FAT3: variants seen among roughly 807,000 people sequenced by gnomAD.
The protein encoded by FAT3 is FAT atypical cadherin 3.
A neutral mutation model predicts 310.2 loss-of-function variants in FAT3; 95 were observed. That is an observed-to-expected ratio of 0.31 (90% CI 0.26 to 0.36). The LOEUF (loss-of-function observed/expected upper bound fraction) is 0.36. Among genes scored for constraint, FAT3 ranks in the 10% least tolerant of loss-of-function variants. The probability of loss-of-function intolerance (pLI) is 1.00; values close to 1 mark genes in which losing one functional copy is unlikely to be tolerated. For missense variants in FAT3, 5,408 were observed against 5,715.6 expected, an observed-to-expected ratio of 0.95 and a Z score of 1.74; for synonymous variants, 2,314 against 2,192.9, an observed-to-expected ratio of 1.06 and a Z score of -1.54.
chr11:92,766,718 T>C (rs1411835249), intron 6 of FAT3: 1 of 152,268 alleles, frequency 6.6e-6, no homozygotes, highest in African/African-American at 2.4e-5. Context: ...ATGAAACTTC[T>C]TCTGATCCAT....
intron 2 of FAT3, among the ~76,000 whole-genome samples, chr11:92,370,161 T>C (rs898935920): frequency 2.0e-5 from 3 of 152,210 alleles, no homozygotes; most frequent in Non-Finnish European, 4.4e-5. Flanking sequence ...ATGCACATTA[T>C]TGTTGTAATT....
chr11:92,869,227 C>T (rs1322379688), intron 22 of FAT3, among the ~76,000 whole-genome samples: 1 of 152,228 alleles, frequency 6.6e-6, no homozygotes, highest in Non-Finnish European at 1.5e-5. Flanking sequence ...GGCCTACTAC[C>T]TCTGTTCTCT....
chr11:92,694,937 C>A (rs1217696268), intron 3 of FAT3, among the ~76,000 whole-genome samples: 3 of 152,136 alleles, frequency 2.0e-5, no homozygotes, highest in Non-Finnish European at 4.4e-5. Flanking sequence ...AATAGAATGG[C>A]CCAAAAATGA....
intron 4 of FAT3, among the ~76,000 whole-genome samples, chr11:92,751,972 G>A (rs926462105): frequency 1.3e-5 from 2 of 152,026 alleles, no homozygotes; most frequent in African/African-American, 4.8e-5. Flanking sequence ...GACAATCGTA[G>A]GTAAATGATC....
At chr11:92,668,754 C>T (rs1359920404) in intron 3 of FAT3, among the ~76,000 whole-genome samples, 3 of 152,146 alleles carry the variant, frequency 2.0e-5, no homozygotes, top group Middle Eastern at 3.2e-3. Flanking sequence ...TTACACTAGG[C>T]CTCAGCTACT....
At chr11:92,867,254 G>C (rs963824198) in intron 22 of FAT3, 45 bp downstream of exon 22, 1 of 1,486,564 alleles carries the variant, frequency 6.7e-7, no homozygotes, top group Non-Finnish European at 9.0e-7. Flanking sequence ...GGTTTGAGGG[G>C]AGAGTGAATG....
At chr11:92,785,483 A>G (rs748446557) in intron 7 of FAT3, among the ~76,000 whole-genome samples, 9 of 152,162 alleles carry the variant, frequency 5.9e-5, no homozygotes, top group Non-Finnish European at 1.2e-4. Context: ...AAAACTCAAA[A>G]GACTGAAAGG....
At chr11:92,335,865 C>A (rs1261278179) in intron 1 of FAT3, among the ~76,000 whole-genome samples, 1 of 152,092 alleles carries the variant, frequency 6.6e-6, no homozygotes, top group Non-Finnish European at 1.5e-5. Context: ...CAAAATCAAT[C>A]CCAAAATCAA....
At chr11:92,656,006 C>T (rs567957894) in intron 3 of FAT3, among the ~76,000 whole-genome samples, 29 of 152,248 alleles carry the variant, frequency 1.9e-4, no homozygotes, top group African/African-American at 6.7e-4. Context: ...CCACATTTCA[C>T]AGGGAAACAA....
rs537119114 is a variant in FAT3, at chr11:92,471,659, G to A, written c.3293-52975G>A. Among the ~76,000 whole-genome samples the A allele has an allele frequency of 1.9e-3, 283 of 152,138 alleles. 5 individuals are homozygous for A. In the Middle Eastern group the frequency reaches 0.044, roughly 24 times the overall value. ...CCATATGCAAAGGACAGTTGAAAATGCATTTACGCTAATCAGTATCCAAGA... is the reference window on the plus strand; with the variant it reads ...CCATATGCAAAGGACAGTTGAAAATACATTTACGCTAATCAGTATCCAAGA... On this transcript the variant is annotated intron_variant, in intron 2 of 27. Coordinates refer to ENST00000525166, the MANE Select transcript of FAT3 (RefSeq NM_001367949.2).
chr11:92,378,850 G>GT (rs1202491977), intron 2 of FAT3, among the ~76,000 whole-genome samples: 4 of 152,162 alleles, frequency 2.6e-5, no homozygotes, highest in Non-Finnish European at 4.4e-5. Flanking sequence ...TTCTGGTTAT[G>GT]TTTTTACATG....
chr11:92,529,737 G>A (rs1194217265), intron 3 of FAT3, among the ~76,000 whole-genome samples: 1 of 152,142 alleles, frequency 6.6e-6, no homozygotes, highest in Non-Finnish European at 1.5e-5. Flanking sequence ...GCTTAATCCA[G>A]ATCTTTCAAT....
At chr11:92,727,795 C>T (rs549071808) in intron 4 of FAT3, among the ~76,000 whole-genome samples, 20 of 152,356 alleles carry the variant, frequency 1.3e-4, no homozygotes, top group Non-Finnish European at 2.1e-4. Context: ...ATGTGCTTCT[C>T]TCTCACGGCT....
intron 1 of FAT3, among the ~76,000 whole-genome samples, chr11:92,240,928 C>A (rs1864648934): frequency 6.6e-6 from 1 of 151,580 alleles, no homozygotes; most frequent in Non-Finnish European, 1.5e-5. Context: ...TTGTAGAATC[C>A]CCCCCATGCC....
chr11:92,526,743 T>A (rs1953880461), intron 3 of FAT3, among the ~76,000 whole-genome samples: 1 of 152,208 alleles, frequency 6.6e-6, no homozygotes, highest in Non-Finnish European at 1.5e-5. Context: ...ACGTTGCTAA[T>A]AAGATCCTTA....
chr11:92,421,325 C>T (rs112343066), intron 2 of FAT3, among the ~76,000 whole-genome samples: 73 of 152,240 alleles, frequency 4.8e-4, no homozygotes, highest in African/African-American at 1.7e-3. Context: ...AGAAAATATT[C>T]AGTTTCCATT....
intron 3 of FAT3, among the ~76,000 whole-genome samples, chr11:92,605,759 G>A (rs1185634845): frequency 1.5e-5 from 2 of 130,770 alleles, no homozygotes; most frequent in Non-Finnish European, 3.1e-5. Flanking sequence ...TGAGATTTGG[G>A]GAGAGTAATT....
chr11:92,573,310 G>A (rs1407586987), intron 3 of FAT3, among the ~76,000 whole-genome samples: 1 of 152,070 alleles, frequency 6.6e-6, no homozygotes, highest in Non-Finnish European at 1.5e-5. Context: ...TGCTGGTTGC[G>A]AATTATGGAG....
At chr11:92,411,107 TA>T (rs1262255951) in intron 2 of FAT3, among the ~76,000 whole-genome samples, 3 of 35,484 alleles carry the variant, frequency 8.5e-5, no homozygotes, top group East Asian at 6.6e-4. Flanking sequence ...ATATTATATA[TA>T]AAAATATATA....
Sources: gnomAD v4.1 joint callset for allele counts (sites outside exome capture counted in the v4.1 genomes callset) on GRCh38, gnomAD v4.1.1 for gene constraint, MANE v1.5 for transcripts, NCBI Gene and HGNC (gene_info 2026-07-23, HGNC 2026-07-21) for gene names.